GPNMB: variants seen among roughly 807,000 people sequenced by gnomAD.
GPNMB encodes transmembrane glycoprotein NMB.
A neutral mutation model predicts 57.3 loss-of-function variants in GPNMB; 71 were observed. That is an observed-to-expected ratio of 1.24 (90% CI 1.02 to 1.51). The LOEUF (loss-of-function observed/expected upper bound fraction) is 1.51, where lower values mean the gene tolerates loss of function less well. GPNMB is among the 40% of genes most tolerant of loss of function. GPNMB has a pLI of 0.00. For synonymous variants in GPNMB, 253 were observed against 263.2 expected (o/e 0.96, Z 0.38); for missense variants, 677 against 691.9 (o/e 0.98, Z 0.24).
At chr7:23,253,488 T>A in intron 2 of GPNMB, 29 bp downstream of exon 2, 1 of 1,588,186 alleles carries the variant, frequency 6.3e-7, no homozygotes, top group Non-Finnish European at 8.6e-7. Context: ...ACCAAACACC[T>A]GCAATTTCCT....
At chr7:23,249,009 TC>T (rs1334909054) in intron 1 of GPNMB, among the ~76,000 whole-genome samples, 1 of 152,104 alleles carries the variant, frequency 6.6e-6, no homozygotes, top group Non-Finnish European at 1.5e-5. Flanking sequence ...GCCTCAAACT[TC>T]TGGGCTCAGT....
At chr7:23,250,734 T>C (rs1782642265) in intron 1 of GPNMB, 1 of 152,204 alleles carries the variant, frequency 6.6e-6, no homozygotes, top group South Asian at 2.1e-4. Context: ...TTTGATTATG[T>C]TCCTGGAAAC....
chr7:23,270,508 C>CA (rs111966075), intron 9 of GPNMB, among the ~76,000 whole-genome samples: 5,034 of 152,152 alleles, frequency 0.033, 233 homozygotes, highest in East Asian at 0.12. Flanking sequence ...AGGCCAATAT[C>CA]AAAAAATAGC....
At chr7:23,273,468 G>A in intron 9 of GPNMB, 53 bp from the exon 10 acceptor site, 1 of 1,108,646 alleles carries the variant, frequency 9.0e-7, no homozygotes, top group Non-Finnish European at 1.4e-6. Flanking sequence ...ATTATAAGCG[G>A]CATGTCCTCT....
chr7:23,256,220 A>G (rs1334406291), intron 3 of GPNMB, among the ~76,000 whole-genome samples: 1 of 152,160 alleles, frequency 6.6e-6, no homozygotes, highest in Non-Finnish European at 1.5e-5. Context: ...TCTTTCTTCT[A>G]GCTGTTTTGA....
chr7:23,250,729 T>C (rs1782642079), intron 1 of GPNMB: 1 of 152,182 alleles, frequency 6.6e-6, no homozygotes, highest in Non-Finnish European at 1.5e-5. Flanking sequence ...TGCGTTTTGA[T>C]TATGTTCCTG....
chr7:23,265,974 A>G (rs1441312280), intron 6 of GPNMB, among the ~76,000 whole-genome samples: 2 of 151,062 alleles, frequency 1.3e-5, no homozygotes, highest in Admixed American at 6.6e-5. Flanking sequence ...TTTGAGACGG[A>G]GTCTCGCTCT....
intron 9 of GPNMB, chr7:23,273,058 C>A (rs1054381828): frequency 6.5e-6 from 1 of 152,712 alleles, no homozygotes; most frequent in Non-Finnish European, 1.5e-5. Context: ...GCCTCTGCCT[C>A]CCAAAGTGCT....
intron 9 of GPNMB, among the ~76,000 whole-genome samples, chr7:23,272,507 G>A (rs1783233879): frequency 6.6e-6 from 1 of 152,146 alleles, no homozygotes; most frequent in South Asian, 2.1e-4. Context: ...GAAAGAGAGA[G>A]AGAGTGAGAA....
At chr7:23,251,861 G>C (rs1335525252) in intron 1 of GPNMB, among the ~76,000 whole-genome samples, 1 of 152,188 alleles carries the variant, frequency 6.6e-6, no homozygotes, top group Admixed American at 6.5e-5. Context: ...CTGGAATTTT[G>C]AACTGTTAGA....
rs539479734 is a variant in GPNMB, at chr7:23,266,426, A to G, written c.1019-91A>G. ...TGTTCCTGATATTTTTCTAAAAAGC[A>G]AATGGCAAATGTTTAGATTTTTTAT... is the stretch of plus-strand genomic sequence containing the variant. On this transcript the variant is annotated intron_variant, in intron 6 of 10. Coordinates refer to ENST00000258733, the MANE Select transcript of GPNMB (RefSeq NM_002510.3). 21 of 1,367,592 alleles carry G rather than the reference A, an allele frequency of 1.5e-5. No homozygotes were observed. In the East Asian group the frequency reaches 4.1e-4, roughly 27 times the overall value. 84.7% of individuals were successfully genotyped at this position (1,367,592 alleles called of 1,614,324 possible). A position where few individuals can be genotyped will look rare whatever the true frequency, so the allele number is the denominator to read the frequency against.
chr7:23,267,030 G>A (rs530661188), intron 7 of GPNMB, among the ~76,000 whole-genome samples: 8 of 152,300 alleles, frequency 5.3e-5, no homozygotes, highest in East Asian at 3.9e-4. Context: ...ACACATGGCT[G>A]TGCATTTGGG....
At chr7:23,248,317 A>G (rs1583810393) in intron 1 of GPNMB, among the ~76,000 whole-genome samples, 1 of 151,984 alleles carries the variant, frequency 6.6e-6, no homozygotes, top group East Asian at 1.9e-4. Context: ...CCGATGGGGG[A>G]CACCTGCTAT....
At chr7:23,249,221 CT>C (rs370360076) in intron 1 of GPNMB, among the ~76,000 whole-genome samples, 120 of 152,330 alleles carry the variant, frequency 7.9e-4, no homozygotes, top group African/African-American at 2.8e-3. Context: ...TGCATCCGGC[CT>C]TTATTTTTAA....
chr7:23,256,142 G>A (rs2128481831), intron 3 of GPNMB, among the ~76,000 whole-genome samples: 1 of 152,248 alleles, frequency 6.6e-6, no homozygotes, highest in African/African-American at 2.4e-5. Flanking sequence ...CTGACCTCAA[G>A]CGATCCGCCC....
intron 6 of GPNMB, among the ~76,000 whole-genome samples, chr7:23,261,630 G>A (rs544040702): frequency 3.3e-5 from 5 of 152,096 alleles, no homozygotes; most frequent in South Asian, 4.2e-4. Context: ...AGGGCCTGTC[G>A]GGGGGTAGGG....
chr7:23,267,714 T>C (rs1015846199), intron 7 of GPNMB, among the ~76,000 whole-genome samples, 172 bp from the exon 8 acceptor site: 1 of 152,140 alleles, frequency 6.6e-6, no homozygotes, highest in African/African-American at 2.4e-5. Flanking sequence ...GGCTTCACCC[T>C]CATGACCTAA....
At chr7:23,258,202 T>C (rs1782828163) in intron 4 of GPNMB, among the ~76,000 whole-genome samples, 1 of 152,222 alleles carries the variant, frequency 6.6e-6, no homozygotes, top group African/African-American at 2.4e-5. Context: ...TGGCACTGAG[T>C]ATTTGAAAAT....
chr7:23,256,803 A>T, intron 3 of GPNMB, 89 bp from the exon 4 acceptor site: 1 of 1,052,788 alleles, frequency 9.5e-7, no homozygotes, highest in Non-Finnish European at 1.4e-6. Flanking sequence ...TATGAAAAAA[A>T]TACGAAAAAG....
Sources: allele counts gnomAD v4.1 joint callset (sites outside exome capture counted in the v4.1 genomes callset), GRCh38; gene constraint gnomAD v4.1.1; transcripts MANE v1.5; gene names NCBI Gene and HGNC (gene_info 2026-07-23, HGNC 2026-07-21).